Variants in MMS22L observed in about 807,000 individuals in gnomAD.
The protein encoded by MMS22L is MMS22 like, DNA repair protein, also known as protein MMS22-like.
MMS22L carries 74 observed loss-of-function variants against 159.1 expected under a neutral mutation model. That is an observed-to-expected ratio of 0.47 (90% CI 0.39 to 0.56). MMS22L has a LOEUF of 0.56. Ranked by LOEUF, MMS22L falls within the 20% of genes least tolerant of loss-of-function variation. The probability of loss-of-function intolerance (pLI) is 0.00; values close to 1 mark genes in which losing one functional copy is unlikely to be tolerated. For missense variants in MMS22L, 1,351 were observed against 1,422.1 expected (o/e 0.95, Z 0.80); for synonymous variants, 517 against 506.9 (o/e 1.02, Z -0.27).
chr6:97,258,801 T>C (rs1341860879), intron 9 of MMS22L: 5 of 152,176 alleles, frequency 3.3e-5, no homozygotes, highest in Non-Finnish European at 5.9e-5. Context: ...TTTAGCCTTA[T>C]AGTATAGTGT....
rs1800904662 is a variant in MMS22L at position 97,145,817 on chromosome 6, G to A, written c.*989C>T. On this transcript the variant is annotated 3_prime_UTR_variant, in exon 25 of 25. Coordinates refer to ENST00000683635, the MANE Select transcript of MMS22L (RefSeq NM_001350599.2). ...GTGGGTTCCCAAAACTAGGACTGGA[G>A]CTCTTTCAACCAAATAATGCTCAAT... The A allele has an allele frequency of 6.6e-6, 1 of 152,166 alleles. No homozygotes were observed. The highest frequency in any genetic ancestry group is 1.5e-5 in the Non-Finnish European group (1 of 68,010). 9.4% of individuals were successfully genotyped at this position (152,166 alleles called of 1,614,324 possible).
chr6:97,255,747 C>T (rs1813727676), intron 9 of MMS22L, among the ~76,000 whole-genome samples: 1 of 144,334 alleles, frequency 6.9e-6, no homozygotes, highest in Admixed American at 7.1e-5. Context: ...AAATATATTT[C>T]ATTATTTCTA....
Position 97,196,821 on chromosome 6 carries a change from C to T in MMS22L, c.2040-10131G>A, listed in dbSNP as rs1039137982. ...TGTGCAGTGTGACTTTGCACATATA[C>T]GAATCTATATTACTCATTACAACAT... On this transcript the variant is annotated intron_variant, in intron 14 of 24. Coordinates refer to ENST00000683635, the MANE Select transcript of MMS22L (RefSeq NM_001350599.2). 2.6e-5 allele frequency among the ~76,000 whole-genome samples: 4 copies of T among 151,780 alleles called. No homozygotes were observed. In the East Asian group the frequency reaches 5.8e-4, roughly 22 times the overall value.
Position 97,283,116 on chromosome 6 carries a change from C to G in MMS22L, c.-97G>C, listed in dbSNP as rs1327479020. 6.6e-6 allele frequency: 1 copy of G among 152,260 alleles called. No homozygotes were observed. The highest frequency in any genetic ancestry group is 6.5e-5 in the Admixed American group (1 of 15,290). 9.4% of individuals were successfully genotyped at this position (152,260 alleles called of 1,614,324 possible). A position where few individuals can be genotyped will look rare whatever the true frequency, so the allele number is the denominator to read the frequency against. On this transcript the variant is annotated 5_prime_UTR_variant, in exon 1 of 25. Transcript: ENST00000683635. ...CGTACCCGCTCACATTTCCAGCTCC[C>G]GAAACCTGCCTCCTGTGACCCAGAC...
intron 3 of MMS22L, 49 bp from the exon 4 acceptor site, chr6:97,278,947 C>G (rs1453751126): frequency 6.6e-7 from 1 of 1,509,360 alleles, no homozygotes; most frequent in African/African-American, 1.4e-5. Context: ...CACTTTAAAG[C>G]ATGTAACAAT....
In MMS22L at chr6:97,240,434, T is replaced by C. The variant is rs534562785; in HGVS notation, c.1182+6194A>G. On this transcript the variant is annotated intron_variant, in intron 11 of 24. Coordinates refer to ENST00000683635, the MANE Select transcript of MMS22L (RefSeq NM_001350599.2). ...CATCCTGGTTTGCTCAGATGTTTCC[T>C]GGTTTCACACTGAAACTCTGGGCCA... 1.5e-4 allele frequency among the ~76,000 whole-genome samples: 23 copies of C among 152,328 alleles called. 1 individual carries two copies. The South Asian group carries it at 4.3e-3, about 29-fold the overall frequency.
chr6:97,152,456 C>T (rs1460211843), intron 22 of MMS22L, among the ~76,000 whole-genome samples: 1 of 151,606 alleles, frequency 6.6e-6, no homozygotes, highest in Non-Finnish European at 1.5e-5. Context: ...TGCTTGTACA[C>T]AAAAATAATG....
chr6:97,269,862 G>C (rs1454268588), intron 7 of MMS22L, 40 bp downstream of exon 7: 13 of 1,424,576 alleles, frequency 9.1e-6, no homozygotes, highest in African/African-American at 1.4e-5. Context: ...AATAAAAGCT[G>C]ATTTTAAAAA....
At chr6:97,214,298 C>T (rs1209767816) in intron 14 of MMS22L, among the ~76,000 whole-genome samples, 1 of 152,002 alleles carries the variant, frequency 6.6e-6, no homozygotes, top group Non-Finnish European at 1.5e-5. Flanking sequence ...GAAGTTTTCA[C>T]AAATAAGAAA....
chr6:97,149,994 C>G lies in MMS22L; in HGVS notation c.3509G>C (p.Arg1170Thr). ...FRQFIQDYGM[R>T]YYYQVYSILE... ...AATGCTGTAAACCTGGTAATAGTAC[C>G]TCATACCATAATCCTGGATAAACTG... Residue 1170 changes from arginine to threonine, a missense_variant, in exon 24 of 25, where the codon AGG (arginine) becomes ACG (threonine). By Grantham distance (71) the Arg-to-Thr change is moderately conservative. Coordinates refer to ENST00000683635, the MANE Select transcript of MMS22L (RefSeq NM_001350599.2). 10 of 1,613,430 alleles carry G rather than the reference C, an allele frequency of 6.2e-6. No individual in the cohort carries two copies. Among genetic ancestry groups the G allele is most frequent in the Non-Finnish European group, 8.5e-6 (10 of 1,179,634 alleles).
At chr6:97,202,226 C>T (rs1298498098) in intron 14 of MMS22L, among the ~76,000 whole-genome samples, 1 of 152,204 alleles carries the variant, frequency 6.6e-6, no homozygotes, top group Non-Finnish European at 1.5e-5. Context: ...TAACAGTTTA[C>T]TATTCAGGCC....
chr6:97,152,992 T>C lies in MMS22L; in HGVS notation c.3386-1125A>G, dbSNP rs181590935. Among the ~76,000 whole-genome samples the C allele has an allele frequency of 2.0e-3, 309 of 151,964 alleles. 3 individuals carry two copies. The highest frequency in any genetic ancestry group is 9.4e-3 in the Admixed American group (144 of 15,264). ...CTAGGACTACAGGTGCATGCCAGCATGCCTGGCTAATTTTTTAAAAAAGCT... is the reference window on the plus strand; with the variant it reads ...CTAGGACTACAGGTGCATGCCAGCACGCCTGGCTAATTTTTTAAAAAAGCT... On this transcript the variant is annotated intron_variant, in intron 22 of 24. Coordinates refer to ENST00000683635, the MANE Select transcript of MMS22L (RefSeq NM_001350599.2).
At chr6:97,158,697 C>A (rs1436030176) in intron 22 of MMS22L, among the ~76,000 whole-genome samples, 1 of 152,112 alleles carries the variant, frequency 6.6e-6, no homozygotes, top group Non-Finnish European at 1.5e-5. Flanking sequence ...GATTTCTGTT[C>A]TTTTACATTT....
In MMS22L at chr6:97,186,632, G is replaced by T. The variant is rs146241025; in HGVS notation, c.2098C>A (p.Gln700Lys). The change falls in exon 15 of 25, where the codon CAG (glutamine) becomes AAG (lysine). Residue 700 changes from glutamine (Q) to lysine (K), a missense_variant. Physicochemically the swap from Gln to Lys is moderately conservative, Grantham distance 53. Coordinates refer to ENST00000683635, the MANE Select transcript of MMS22L (RefSeq NM_001350599.2). ...LQRDNVDLFV[Q>K]SSLSAKERHL... ...CGCTCTTTAGCCGATAATGAAGACT[G>T]TACAAATAGGTCCACATTGTCCCTT... The T allele has an allele frequency of 6.2e-7, 1 of 1,606,502 alleles. No individual in the cohort carries two copies. The highest frequency in any genetic ancestry group is 8.5e-7 in the Non-Finnish European group (1 of 1,176,976).
intron 4 of MMS22L, among the ~76,000 whole-genome samples, chr6:97,274,780 C>T (rs779646901): frequency 6.6e-6 from 1 of 152,050 alleles, no homozygotes; most frequent in South Asian, 2.1e-4. Flanking sequence ...ATTTAAGTAT[C>T]GATCTGTTCA....
Position 97,144,121 on chromosome 6 carries a change from AAAAAAAAG to A in MMS22L, c.*2677_*2684del, listed in dbSNP as rs1427431628. ...CAACAACAACAAAAAAAAAAAAAAA[AAAAAAAAG>A]AGAGAGAAAAGCTGGAGTTATCAGT... On this transcript the variant is annotated 3_prime_UTR_variant, in exon 25 of 25. Transcript: ENST00000683635. The A allele has an allele frequency of 2.2e-4, 33 of 147,058 alleles. 2 individuals are homozygous for A. The South Asian group carries it at 3.0e-3, about 13-fold the overall frequency. 9.1% of individuals were successfully genotyped at this position (147,058 alleles called of 1,614,324 possible).
At chr6:97,254,347 A>G in intron 10 of MMS22L, 1 of 497,310 alleles carries the variant, frequency 2.0e-6, no homozygotes, top group Non-Finnish European at 3.5e-6. Flanking sequence ...CTACATACCA[A>G]ATCTTCTACA....
Position 97,254,614 on chromosome 6 carries a change from A to T in MMS22L, c.1062T>A (p.Ile354=). The T allele has an allele frequency of 6.2e-7, 1 of 1,613,670 alleles. No individual in the cohort carries two copies. The highest frequency in any genetic ancestry group is 8.5e-7 in the Non-Finnish European group (1 of 1,179,776). The change falls in exon 10 of 25, where the codon ATT becomes ATA. Residue 354 remains isoleucine, a synonymous_variant. Transcript: ENST00000683635. ...SRDPLGFSWW[I]ITHVASFYKF... is the part of the protein sequence containing the mutation. ...TGTAAAATGATGCTACATGAGTAATAATCCACCAACTAAAACCTAATGGAT... is the reference window on the plus strand; with the variant it reads ...TGTAAAATGATGCTACATGAGTAATTATCCACCAACTAAAACCTAATGGAT...
chr6:97,225,715 G>A (rs4521595), intron 14 of MMS22L, among the ~76,000 whole-genome samples: 4,531 of 152,136 alleles, frequency 0.03, 338 homozygotes, highest in East Asian at 0.25. Context: ...TGGGACTACA[G>A]GCACCCGCCA....
Sources: gnomAD v4.1 joint callset for allele counts (sites outside exome capture counted in the v4.1 genomes callset) on GRCh38, gnomAD v4.1.1 for gene constraint, MANE v1.5 for transcripts, NCBI Gene and HGNC (gene_info 2026-07-23, HGNC 2026-07-21) for gene names.